ARHGAP6: variants seen among roughly 807,000 people sequenced by gnomAD.
The protein encoded by ARHGAP6 is Rho GTPase activating protein 6.
ARHGAP6 carries 16 observed loss-of-function variants against 55.7 expected under a neutral mutation model. The observed-to-expected ratio is 0.29, with a 90% confidence interval of 0.19 to 0.44. ARHGAP6 has a LOEUF of 0.44. Among genes scored for constraint, ARHGAP6 ranks in the 20% least tolerant of loss-of-function variants. ARHGAP6 has a pLI of 1.00. For missense variants in ARHGAP6, 698 were observed against 808.9 expected (o/e 0.86, Z 1.66); for synonymous variants, 382 against 360.9 (o/e 1.06, Z -0.66).
chrX:11,419,004 T>C (rs1204449483), intron 1 of ARHGAP6, among the ~76,000 whole-genome samples: 1 of 112,438 alleles, frequency 8.9e-6, no homozygotes. Flanking sequence ...CTGGTCTCAC[T>C]GGATTGGCTG....
chrX:11,454,371 C>A (rs1048330028), intron 1 of ARHGAP6, among the ~76,000 whole-genome samples: 1 of 111,277 alleles, frequency 9.0e-6, no homozygotes, highest in African/African-American at 3.3e-5. Flanking sequence ...CTCTAAAATA[C>A]TTTCCTTGAA....
chrX:11,173,664 A>AT (rs2046126405), intron 8 of ARHGAP6, among the ~76,000 whole-genome samples: 1 of 112,364 alleles, frequency 8.9e-6, no homozygotes, highest in African/African-American at 3.2e-5. Context: ...AAATACTGCT[A>AT]TTTTTTCCCA....
intron 1 of ARHGAP6, among the ~76,000 whole-genome samples, chrX:11,341,809 G>A (rs746444818): frequency 4.5e-5 from 5 of 111,539 alleles, no homozygotes; most frequent in African/African-American, 1.3e-4. Context: ...ACTCATCATC[G>A]TATATTCACC....
rs965247029 is a variant in ARHGAP6, at chrX:11,229,813, C to A, written c.748+24735G>T. Among the ~76,000 whole-genome samples, 4 of 111,251 alleles carry A rather than the reference C, an allele frequency of 3.6e-5. No homozygotes were observed. In the Admixed American group the frequency reaches 3.8e-4, roughly 11 times the overall value. On this transcript the variant is annotated intron_variant, in intron 2 of 12. Coordinates refer to ENST00000337414, the MANE Select transcript of ARHGAP6 (RefSeq NM_013427.3). ...CCCTTGTTCTTTTCATTTTAATTGG[C>A]CCCTATATACCACTCTTATCTTTTC...
intron 1 of ARHGAP6, among the ~76,000 whole-genome samples, chrX:11,661,104 G>T (rs2052698325): frequency 8.9e-6 from 1 of 112,244 alleles, no homozygotes. Context: ...TTTAATTATG[G>T]GTTGCAAAAG....
chrX:11,635,450 A>G (rs1227330999), intron 1 of ARHGAP6, among the ~76,000 whole-genome samples: 1 of 111,632 alleles, frequency 9.0e-6, no homozygotes, highest in Non-Finnish European at 1.9e-5. Flanking sequence ...TCCACTTTAT[A>G]TTTTTAATAA....
chrX:11,270,786 T>C (rs1010917341), intron 1 of ARHGAP6, among the ~76,000 whole-genome samples: 1 of 111,948 alleles, frequency 8.9e-6, no homozygotes, highest in Non-Finnish European at 1.9e-5. Flanking sequence ...AGGAATTCTT[T>C]CTTTATGAGA....
intron 1 of ARHGAP6, among the ~76,000 whole-genome samples, chrX:11,275,030 T>C (rs1219481380): frequency 8.9e-6 from 1 of 111,772 alleles, no homozygotes; most frequent in Non-Finnish European, 1.9e-5. Context: ...TTCTTCCAAG[T>C]ATTCTCGAAA....
chrX:11,236,203 G>C (rs888179724), intron 2 of ARHGAP6, among the ~76,000 whole-genome samples: 1 of 111,798 alleles, frequency 8.9e-6, no homozygotes, highest in Non-Finnish European at 1.9e-5. Flanking sequence ...TTGTGGAAGG[G>C]GAAGCAAACA....
At chrX:11,495,828 A>T (rs1332628505) in intron 1 of ARHGAP6, among the ~76,000 whole-genome samples, 1 of 112,581 alleles carries the variant, frequency 8.9e-6, no homozygotes, top group East Asian at 2.8e-4. Flanking sequence ...CAGAATTGTA[A>T]CTTTTGTCTT....
intron 1 of ARHGAP6, among the ~76,000 whole-genome samples, chrX:11,475,823 A>G (rs192374854): frequency 3.5e-4 from 39 of 110,588 alleles, no homozygotes; most frequent in Non-Finnish European, 3.8e-5. Context: ...ACTAGGAGAA[A>G]TTTTTAAAAA....
intron 1 of ARHGAP6, chrX:11,427,908 C>G (rs899330404): frequency 3.8e-6 from 2 of 522,895 alleles, no homozygotes; most frequent in African/African-American, 5.2e-5. Flanking sequence ...TAATTCCTTC[C>G]GCTCCTGGCG....
chrX:11,152,238 A>C (rs1357582444), intron 10 of ARHGAP6, among the ~76,000 whole-genome samples: 1 of 112,327 alleles, frequency 8.9e-6, no homozygotes, highest in Non-Finnish European at 1.9e-5. Context: ...AACGTAGGCA[A>C]TCTGGCTCTG....
At chrX:11,426,837 A>C (rs146727440) in intron 1 of ARHGAP6, among the ~76,000 whole-genome samples, 2 of 109,739 alleles carry the variant, frequency 1.8e-5, no homozygotes, top group East Asian at 5.7e-4. Flanking sequence ...AAATCCCATG[A>C]GCTTTCTCTC....
intron 1 of ARHGAP6, among the ~76,000 whole-genome samples, chrX:11,656,808 G>C (rs779882478): frequency 8.9e-6 from 1 of 111,869 alleles, no homozygotes; most frequent in Non-Finnish European, 1.9e-5. Flanking sequence ...GCCATGTAAA[G>C]TGGCATATTC....
At chrX:11,248,985 CA>C (rs755723543) in intron 2 of ARHGAP6, among the ~76,000 whole-genome samples, 21 of 111,921 alleles carry the variant, frequency 1.9e-4, no homozygotes, top group Non-Finnish European at 9.4e-5. Context: ...TACAGCCACA[CA>C]ATTCGCAACT....
chrX:11,354,287 CTCTCTCTT>C (rs1379216886), intron 1 of ARHGAP6, among the ~76,000 whole-genome samples: 85 of 74,076 alleles, frequency 1.1e-3, no homozygotes, highest in Non-Finnish European at 1.3e-3. Flanking sequence ...CTCTCTCTCT[CTCTCTCTT>C]TCTCTCTCTC....
At chrX:11,661,372 C>A (rs981070990) in intron 1 of ARHGAP6, among the ~76,000 whole-genome samples, 2 of 112,576 alleles carry the variant, frequency 1.8e-5, no homozygotes, top group Non-Finnish European at 3.7e-5. Context: ...TTAAAGCAAT[C>A]CTGAAACACG....
At chrX:11,558,612 C>T (rs1401919204) in intron 1 of ARHGAP6, among the ~76,000 whole-genome samples, 2 of 108,547 alleles carry the variant, frequency 1.8e-5, no homozygotes, top group East Asian at 2.9e-4. Context: ...CCGAGGTGGG[C>T]GGATCACGAG....
Sources: allele counts gnomAD v4.1 joint callset (sites outside exome capture counted in the v4.1 genomes callset), GRCh38; gene constraint gnomAD v4.1.1; transcripts MANE v1.5; gene names NCBI Gene and HGNC (gene_info 2026-07-23, HGNC 2026-07-21).